Variants in DCDC2C observed in about 807,000 individuals in gnomAD.
DCDC2C encodes the protein doublecortin domain containing 2C, also known as doublecortin domain-containing protein 2C.
Under a neutral mutation model 45.0 loss-of-function variants are expected in DCDC2C, and 44 were observed. The observed-to-expected ratio is 0.98, with a 90% CI of 0.77 to 1.26. DCDC2C has a LOEUF of 1.26. DCDC2C is among the 50% of genes most tolerant of loss of function. The pLI is 0.00. For missense variants in DCDC2C, 447 were observed against 468.9 expected (o/e 0.95, Z 0.43); for synonymous variants, 187 against 178.8 (o/e 1.05, Z -0.37).
intron 6 of DCDC2C, 111 bp from the exon 7 acceptor site, chr2:3,767,643 T>TA (rs1670047489): frequency 7.8e-7 from 1 of 1,275,800 alleles, no homozygotes; most frequent in Admixed American, 2.7e-5. Context: ...AGTTTCCTCC[T>TA]ACTGTTTCTC....
At chr2:3,803,570 T>C (rs1051355243) in intron 10 of DCDC2C, among the ~76,000 whole-genome samples, 5 of 152,266 alleles carry the variant, frequency 3.3e-5, no homozygotes, top group Non-Finnish European at 7.3e-5. Flanking sequence ...TTCTGCAGCA[T>C]GCAGTCTGAA....
chr2:3,711,092 T>C (rs994481318), intron 2 of DCDC2C, among the ~76,000 whole-genome samples: 1 of 152,252 alleles, frequency 6.6e-6, no homozygotes, highest in Non-Finnish European at 1.5e-5. Flanking sequence ...TTCTGTTTTT[T>C]GACTTTTTCA....
At chr2:3,711,738 T>G (rs1370294815) in intron 2 of DCDC2C, among the ~76,000 whole-genome samples, 1 of 152,252 alleles carries the variant, frequency 6.6e-6, no homozygotes, top group Non-Finnish European at 1.5e-5. Flanking sequence ...ATGGACCCTT[T>G]GTGGAGACAA....
rs1313216974 is a variant in DCDC2C at position 3,758,862 on chromosome 2, A to G, written c.726+4228A>G. On this transcript the variant is annotated intron_variant, in intron 6 of 10. Coordinates refer to ENST00000399143, the MANE Select transcript of DCDC2C (RefSeq NM_001287444.2). ...TTGGTTCACTTCCATGTGGCCTCTC[A>G]TCTTCCAGCAGGATGTCACAAACTA... Among the ~76,000 whole-genome samples, 5 of 152,160 alleles carry G rather than the reference A, an allele frequency of 3.3e-5. No homozygotes were observed. In the South Asian group the frequency reaches 8.3e-4, roughly 25 times the overall value.
At chr2:3,720,412 C>T (rs912308011) in intron 2 of DCDC2C, among the ~76,000 whole-genome samples, 10 of 152,106 alleles carry the variant, frequency 6.6e-5, no homozygotes, top group South Asian at 2.1e-4. Context: ...GGACACCTGC[C>T]GAGGAAGAGG....
chr2:3,834,483 C>T (rs906381674), intron 10 of DCDC2C, among the ~76,000 whole-genome samples: 1 of 151,942 alleles, frequency 6.6e-6, no homozygotes, highest in African/African-American at 2.4e-5. Flanking sequence ...AAACGCTTAG[C>T]GGGAACTTCC....
intron 3 of DCDC2C, among the ~76,000 whole-genome samples, chr2:3,735,505 A>T (rs1668999866): frequency 2.0e-5 from 3 of 151,704 alleles, no homozygotes; most frequent in Admixed American, 1.3e-4. Flanking sequence ...AGTAACTTTC[A>T]GAACATAGGA....
intron 10 of DCDC2C, among the ~76,000 whole-genome samples, chr2:3,797,926 G>T (rs536283109): frequency 1.3e-5 from 2 of 149,580 alleles, no homozygotes; most frequent in African/African-American, 2.4e-5. Flanking sequence ...GGGTATCCTT[G>T]TTGACTTTCT....
chr2:3,816,136 G>A (rs1395400097), intron 10 of DCDC2C, among the ~76,000 whole-genome samples: 1 of 152,092 alleles, frequency 6.6e-6, no homozygotes, highest in East Asian at 1.9e-4. Context: ...GATATTGTGG[G>A]GTTGTTAAAA....
intron 10 of DCDC2C, among the ~76,000 whole-genome samples, chr2:3,843,354 T>C (rs2148248563): frequency 6.6e-6 from 1 of 152,262 alleles, no homozygotes; most frequent in African/African-American, 2.4e-5. Flanking sequence ...AACAAGGGGA[T>C]GAGCAGGTTT....
chr2:3,782,758 C>T (rs750521446), intron 9 of DCDC2C, among the ~76,000 whole-genome samples: 29 of 152,304 alleles, frequency 1.9e-4, no homozygotes, highest in Middle Eastern at 3.4e-3. Context: ...GGATTACAGG[C>T]GTGAGCCACC....
At chr2:3,737,980 A>C (rs998056226) in intron 3 of DCDC2C, among the ~76,000 whole-genome samples, 2 of 152,224 alleles carry the variant, frequency 1.3e-5, no homozygotes, top group Non-Finnish European at 2.9e-5. Flanking sequence ...TTATTTAAAT[A>C]AACCATCTTA....
intron 10 of DCDC2C, among the ~76,000 whole-genome samples, chr2:3,809,648 A>G (rs886286528): frequency 8.1e-4 from 123 of 152,270 alleles, no homozygotes; most frequent in African/African-American, 2.8e-3. Flanking sequence ...AAAAAATGGG[A>G]TACATGTGCA....
chr2:3,745,481 G>A (rs953892055), intron 4 of DCDC2C, among the ~76,000 whole-genome samples: 4 of 152,072 alleles, frequency 2.6e-5, no homozygotes, highest in Non-Finnish European at 5.9e-5. Context: ...GCAGAGCTTA[G>A]AAATAAAAGA....
At chr2:3,765,612 G>C (rs187550207) in intron 6 of DCDC2C, among the ~76,000 whole-genome samples, 1 of 152,152 alleles carries the variant, frequency 6.6e-6, no homozygotes, top group Non-Finnish European at 1.5e-5. Flanking sequence ...GTGATGAGGC[G>C]TGCTGGCATT....
intron 10 of DCDC2C, among the ~76,000 whole-genome samples, chr2:3,799,438 G>A (rs1284877164): frequency 6.6e-6 from 1 of 152,142 alleles, no homozygotes; most frequent in African/African-American, 2.4e-5. Flanking sequence ...GAGGAGGAGA[G>A]GTGCTCTGCT....
intron 9 of DCDC2C, among the ~76,000 whole-genome samples, chr2:3,779,683 G>A (rs1324097709): frequency 1.3e-5 from 2 of 152,200 alleles, no homozygotes; most frequent in Non-Finnish European, 2.9e-5. Flanking sequence ...TGTGTAATGA[G>A]CTCCCGGATT....
chr2:3,822,003 C>T (rs966022799), intron 10 of DCDC2C, among the ~76,000 whole-genome samples: 1 of 152,178 alleles, frequency 6.6e-6, no homozygotes, highest in Non-Finnish European at 1.5e-5. Flanking sequence ...TATTCCCTAC[C>T]CCTAGTCTAC....
chr2:3,816,689 TTATC>T (rs1186749709), intron 10 of DCDC2C, among the ~76,000 whole-genome samples: 1 of 152,158 alleles, frequency 6.6e-6, no homozygotes, highest in Non-Finnish European at 1.5e-5. Context: ...TCAGCAAAGA[TTATC>T]TATCCACTTT....
Sources: gnomAD v4.1 joint callset for allele counts (sites outside exome capture counted in the v4.1 genomes callset) on GRCh38, gnomAD v4.1.1 for gene constraint, MANE v1.5 for transcripts, NCBI Gene and HGNC (gene_info 2026-07-23, HGNC 2026-07-21) for gene names.